SCAPER: variants seen among roughly 807,000 people sequenced by gnomAD.
The protein encoded by SCAPER is S-phase cyclin A associated protein in the ER, also known as S phase cyclin A-associated protein in the endoplasmic reticulum.
SCAPER carries 98 observed loss-of-function variants against 182.2 expected under a neutral mutation model. The ratio of observed to expected loss-of-function variants is 0.54; its 90% CI spans 0.46 to 0.64. The LOEUF (loss-of-function observed/expected upper bound fraction) is 0.64, where lower values mean the gene tolerates loss of function less well. Ranked by LOEUF, SCAPER falls within the 30% of genes least tolerant of loss-of-function variation. The pLI is 0.00. For missense variants in SCAPER, 1,432 were observed against 1,690.0 expected, an observed-to-expected ratio of 0.85 and a Z score of 2.68; for synonymous variants, 605 against 564.6, an observed-to-expected ratio of 1.07 and a Z score of -1.01.
intron 20 of SCAPER, among the ~76,000 whole-genome samples, chr15:76,667,961 T>TA (rs59632770): frequency 0.39 from 57,126 of 148,130 alleles, 12,668 homozygotes; most frequent in Middle Eastern, 0.52. Flanking sequence ...AGACTGTCTT[T>TA]AAAAAAAAAA....
At chr15:76,546,272 T>C (rs915746161) in intron 23 of SCAPER, among the ~76,000 whole-genome samples, 1 of 152,074 alleles carries the variant, frequency 6.6e-6, no homozygotes, top group Non-Finnish European at 1.5e-5. Context: ...CTTTTTAAAT[T>C]AAAAATATTA....
chr15:76,862,651 T>G, intron 2 of SCAPER, 118 bp from the exon 3 acceptor site: 1 of 594,172 alleles, frequency 1.7e-6, no homozygotes, highest in Non-Finnish European at 2.7e-6. Flanking sequence ...TAATTTGGGA[T>G]GTGGTGGGTG....
At position 76,705,898 on chromosome 15, in the gene SCAPER, C is replaced by T. The variant is rs990850100; in HGVS notation, c.2247+5G>A. On this transcript the variant is annotated splice_donor_5th_base_variant and intron_variant, in intron 18 of 31. Coordinates refer to ENST00000563290, the MANE Select transcript of SCAPER (RefSeq NM_020843.4). ...TTTCAAATTAAAAATATATAATATC[C>T]TTACCTTGAGCTGAATTTTTTTCTG... The T allele has an allele frequency of 5.8e-6, 9 of 1,539,052 alleles. No individual in the cohort carries two copies. The Admixed American group carries it at 7.8e-5, about 13-fold the overall frequency.
intron 4 of SCAPER, among the ~76,000 whole-genome samples, chr15:76,855,121 G>A (rs1320449582): frequency 6.6e-6 from 1 of 152,014 alleles, no homozygotes; most frequent in African/African-American, 2.4e-5. Context: ...CCAAAAATAA[G>A]GCCACACACC....
intron 20 of SCAPER, among the ~76,000 whole-genome samples, chr15:76,671,014 G>A (rs62026904): frequency 0.067 from 10,212 of 152,174 alleles, 381 homozygotes; most frequent in Middle Eastern, 0.11. Flanking sequence ...GTAAATTATG[G>A]TATATTTCTA....
Position 76,691,760 on chromosome 15 carries a change from T to C in SCAPER, c.2508+9998A>G, listed in dbSNP as rs1228199459. ...AGAAATTTGTTCTATTGTTATTCTATGAATAGTTTACATACATCCTAGACA... is the reference window on the plus strand; with the variant it reads ...AGAAATTTGTTCTATTGTTATTCTACGAATAGTTTACATACATCCTAGACA... On this transcript the variant is annotated intron_variant, in intron 20 of 31. Transcript: ENST00000563290. 2.6e-5 allele frequency among the ~76,000 whole-genome samples: 4 copies of C among 152,130 alleles called. 1 individual carries two copies. The highest frequency in any genetic ancestry group is 2.6e-4 in the Admixed American group (4 of 15,274).
At chr15:76,521,107 C>T (rs148551185) in intron 23 of SCAPER, among the ~76,000 whole-genome samples, 441 of 152,168 alleles carry the variant, frequency 2.9e-3, no homozygotes, top group African/African-American at 0.01. Context: ...AAAATAAGTA[C>T]AGAATTCAGG....
At chr15:76,853,735 C>T (rs187556186) in intron 4 of SCAPER, among the ~76,000 whole-genome samples, 177 of 152,296 alleles carry the variant, frequency 1.2e-3, no homozygotes, top group Admixed American at 2.7e-3. Flanking sequence ...CAGCTGGAAG[C>T]ATCTCCCCTG....
rs764786791 is a variant in SCAPER at position 76,381,590 on chromosome 15, G to T, written c.3493C>A (p.Arg1165Ser). 6.2e-7 allele frequency: 1 copy of T among 1,600,374 alleles called. No homozygotes were observed. The highest frequency in any genetic ancestry group is 1.3e-5 in the African/African-American group (1 of 74,784). The change falls in exon 28 of 32, where the codon CGC (arginine) becomes AGC (serine). Residue 1165 changes from arginine to serine, a missense_variant. By Grantham distance (110) the Arg-to-Ser change is moderately radical (BLOSUM62 -1). This residue lies in a region of SCAPER where 718 missense variants were observed against 799.7 expected (regional missense o/e 0.90). Coordinates refer to ENST00000563290, the MANE Select transcript of SCAPER (RefSeq NM_020843.4). ...GRSYSIFDNN[R>S]QDPTGLTAAL... ...GCTGTCAGCCCTGTGGGATCCTGGC[G>T]ATTATTGTCAAATATGCTGTATGAC...
At position 76,401,722 on chromosome 15, in the gene SCAPER, C is replaced by T. The variant is rs555209992; in HGVS notation, c.3467+2802G>A. On this transcript the variant is annotated intron_variant, in intron 27 of 31. Transcript: ENST00000563290. The stretch of plus-strand genomic sequence containing the variant: ...AACATGACGCTAACTCTTGTATGTC[C>T]GTATCTCTTGGTTTGGGCTGCCCTA... Among the ~76,000 whole-genome samples, 22 of 152,222 alleles carry T rather than the reference C, an allele frequency of 1.4e-4. No homozygotes were observed. The South Asian group carries it at 3.9e-3, about 27-fold the overall frequency.
intron 22 of SCAPER, chr15:76,576,900 G>C (rs151016233): frequency 0.012 from 1,769 of 152,296 alleles, 18 homozygotes; most frequent in Middle Eastern, 0.031. Context: ...CTCGGAACCT[G>C]AGTTGCAGGT....
At chr15:76,896,414 T>A (rs2074436972) in intron 1 of SCAPER, among the ~76,000 whole-genome samples, 1 of 151,916 alleles carries the variant, frequency 6.6e-6, no homozygotes, top group Non-Finnish European at 1.5e-5. Flanking sequence ...CTTAGGAATA[T>A]AAATCTAACC....
At chr15:76,472,572 G>A (rs545019083) in intron 24 of SCAPER, among the ~76,000 whole-genome samples, 202 of 152,218 alleles carry the variant, frequency 1.3e-3, no homozygotes, top group Non-Finnish European at 1.9e-3. Flanking sequence ...CAACATGTTG[G>A]CCAGGCTGGT....
intron 25 of SCAPER, among the ~76,000 whole-genome samples, chr15:76,452,515 T>C (rs2048439165): frequency 6.6e-6 from 1 of 152,248 alleles, no homozygotes; most frequent in Non-Finnish European, 1.5e-5. Context: ...GAAATTCCTC[T>C]GCAAGGATTT....
At chr15:76,724,509 C>T (rs2060468087) in intron 17 of SCAPER, among the ~76,000 whole-genome samples, 1 of 152,094 alleles carries the variant, frequency 6.6e-6, no homozygotes, top group African/African-American at 2.4e-5. Context: ...TGGATAATAT[C>T]CTGCAGAGTG....
Position 76,706,000 on chromosome 15 carries a change from A to G in SCAPER, c.2166-16T>C. ...TTCCCTGTCTCTGTAAGAAGACAGT[A>G]AAAATTATAAACTCAACTGCTTAAA... On this transcript the variant is annotated splice_polypyrimidine_tract_variant and intron_variant, in intron 17 of 31. Coordinates refer to ENST00000563290, the MANE Select transcript of SCAPER (RefSeq NM_020843.4). 6.6e-7 allele frequency: 1 copy of G among 1,525,560 alleles called. No homozygotes were observed. Among genetic ancestry groups the G allele is most frequent in the Admixed American group, 2.1e-5 (1 of 48,604 alleles). 94.5% of individuals were successfully genotyped at this position (1,525,560 alleles called of 1,614,324 possible).
intron 26 of SCAPER, among the ~76,000 whole-genome samples, chr15:76,409,256 G>C (rs1285296741): frequency 6.6e-6 from 1 of 152,278 alleles, no homozygotes; most frequent in East Asian, 1.9e-4. Flanking sequence ...CTTTTGCATT[G>C]TAACTGTTAG....
intron 5 of SCAPER, among the ~76,000 whole-genome samples, chr15:76,832,195 G>C (rs10444809): frequency 0.48 from 73,063 of 152,008 alleles, 17,864 homozygotes; most frequent in East Asian, 0.6. Context: ...GGAAACTCCA[G>C]AAGACATAGG....
chr15:76,805,100 C>T (rs940511536), intron 5 of SCAPER, among the ~76,000 whole-genome samples: 4 of 152,056 alleles, frequency 2.6e-5, no homozygotes, highest in African/African-American at 7.2e-5. Context: ...CACCTGGTAG[C>T]GTGTATCAGT....
Sources: gnomAD v4.1 joint callset for allele counts (sites outside exome capture counted in the v4.1 genomes callset) on GRCh38, gnomAD v4.1.1 for gene constraint, gnomAD v4.1.1 regional missense constraint, MANE v1.5 for transcripts, NCBI Gene and HGNC (gene_info 2026-07-23, HGNC 2026-07-21) for gene names.